The following HELLS variants were observed in gnomAD, a reference collection of about 807,000 sequenced individuals.
The protein encoded by HELLS is helicase, lymphoid specific.
Under a neutral mutation model 120.0 loss-of-function variants are expected in HELLS, and 32 were observed. That is an observed-to-expected ratio of 0.27 (90% CI 0.20 to 0.36). HELLS has a LOEUF of 0.36. Among genes scored for constraint, HELLS ranks in the 10% least tolerant of loss-of-function variants. HELLS has a pLI of 1.00. For missense variants in HELLS, 650 were observed against 993.4 expected (o/e 0.65, Z 4.65); for synonymous variants, 341 against 323.4 (o/e 1.05, Z -0.58).
intron 7 of HELLS, among the ~76,000 whole-genome samples, chr10:94,572,783 C>A (rs1382643771): frequency 1.3e-5 from 2 of 152,152 alleles, no homozygotes; most frequent in Non-Finnish European, 2.9e-5. Context: ...ATTTTATTCT[C>A]TCGCCAGCAA....
Position 94,554,155 on chromosome 10 carries a change from A to G in HELLS, c.183A>G (p.Thr61=). Residue 61 remains threonine (T), a synonymous_variant, in exon 3 of 22, where the codon ACA becomes ACG. Coordinates refer to ENST00000348459, the MANE Select transcript of HELLS (RefSeq NM_018063.5). ...GCATGTCTTGGGATAGAGAGTCGACAGAAATTCGGTACCGTAGACTTCAAC... is the reference window on the plus strand; with the variant it reads ...GCATGTCTTGGGATAGAGAGTCGACGGAAATTCGGTACCGTAGACTTCAAC... The part of the protein sequence containing the change: ...KARMSWDRES[T]EIRYRRLQHL... 6.3e-7 allele frequency: 1 copy of G among 1,582,526 alleles called. No individual in the cohort carries two copies. Among genetic ancestry groups the G allele is most frequent in the Non-Finnish European group, 8.5e-7 (1 of 1,170,596 alleles).
intron 2 of HELLS, among the ~76,000 whole-genome samples, chr10:94,553,697 C>T (rs1012601161): frequency 1.3e-5 from 2 of 151,602 alleles, no homozygotes; most frequent in Non-Finnish European, 2.9e-5. Context: ...TACAGGCATG[C>T]ACCACCACGC....
intron 7 of HELLS, among the ~76,000 whole-genome samples, chr10:94,572,998 C>T (rs191534346): frequency 6.0e-4 from 91 of 152,048 alleles, no homozygotes; most frequent in Middle Eastern, 3.4e-3. Flanking sequence ...GTCACTCTGT[C>T]GCCCAGGCTG....
chr10:94,558,308 A>C (rs1843365799), intron 4 of HELLS, 113 bp downstream of exon 4: 1 of 1,287,402 alleles, frequency 7.8e-7, no homozygotes, highest in African/African-American at 1.5e-5. Context: ...TTAGTGATAA[A>C]CCTAACTTTG....
Position 94,574,433 on chromosome 10 carries a change from A to G in HELLS, c.706-121A>G, listed in dbSNP as rs1286732176. 58 of 803,348 alleles carry G rather than the reference A, an allele frequency of 7.2e-5. 1 individual carries two copies. In the South Asian group the frequency reaches 9.9e-4, roughly 14 times the overall value. The allele number at this position is 803,348 out of a possible 1,614,324, so 49.8% of individuals were successfully genotyped here. A position where few individuals can be genotyped will look rare whatever the true frequency, so the allele number is the denominator to read the frequency against. On this transcript the variant is annotated intron_variant, in intron 8 of 21. Transcript: ENST00000348459. ...TGTTGTTATAATTTATGGTGTGAAT[A>G]TATCAGCTTTAACATAATTCTCATC...
At chr10:94,546,676 C>T (rs1357197405) in intron 2 of HELLS, among the ~76,000 whole-genome samples, 178 bp downstream of exon 2, 1 of 152,148 alleles carries the variant, frequency 6.6e-6, no homozygotes, top group Non-Finnish European at 1.5e-5. Context: ...AGAATCCTTT[C>T]GCAAGTGCTT....
chr10:94,589,354 T>C (rs563198631), intron 13 of HELLS, among the ~76,000 whole-genome samples: 1 of 152,310 alleles, frequency 6.6e-6, no homozygotes, highest in East Asian at 1.9e-4. Context: ...TTTGAAACTT[T>C]GAGTGCTGAT....
At chr10:94,597,154 A>G (rs200713450) in intron 21 of HELLS, 43 bp downstream of exon 21, 1 of 1,102,240 alleles carries the variant, frequency 9.1e-7, no homozygotes, top group African/African-American at 1.5e-5. Flanking sequence ...CGAAACATAC[A>G]CTTAATTAGC....
chr10:94,585,820 G>C (rs1845115535), intron 12 of HELLS, among the ~76,000 whole-genome samples: 1 of 151,876 alleles, frequency 6.6e-6, no homozygotes, highest in African/African-American at 2.4e-5. Flanking sequence ...TGATCCTCCT[G>C]CCTCAGCCTT....
rs374420050 is a variant in HELLS at position 94,574,536 on chromosome 10, A to G, written c.706-18A>G. The G allele has an allele frequency of 3.8e-5, 59 of 1,571,946 alleles. No individual in the cohort carries two copies. The highest frequency in any genetic ancestry group is 1.7e-4 in the Middle Eastern group (1 of 6,012). The stretch of plus-strand genomic sequence containing the variant: ...GTTTATATCCAAGTTTAAATACAGT[A>G]TCTATTATTTTGTCCAGATGCTTTG... On this transcript the variant is annotated intron_variant, in intron 8 of 21. Coordinates refer to ENST00000348459, the MANE Select transcript of HELLS (RefSeq NM_018063.5).
intron 19 of HELLS, among the ~76,000 whole-genome samples, chr10:94,595,337 G>A (rs886449112): frequency 2.6e-5 from 4 of 152,132 alleles, no homozygotes; most frequent in African/African-American, 9.7e-5. Context: ...GAATGTTAGC[G>A]AGTATGTAGA....
At position 94,574,636 on chromosome 10, in the gene HELLS, C is replaced by G. The variant is rs761729522; in HGVS notation, c.788C>G (p.Ala263Gly). The G allele has an allele frequency of 1.9e-6, 3 of 1,613,066 alleles. No individual in the cohort carries two copies. Among genetic ancestry groups the G allele is most frequent in the Admixed American group, 3.3e-5 (2 of 60,016 alleles). Residue 263 changes from alanine to glycine, a missense_variant, in exon 9 of 22, where the codon GCA becomes GGA. Physicochemically the swap from Ala to Gly is moderately conservative, Grantham distance 60. This residue lies in a region of HELLS where 26 missense variants were observed against 87.3 expected (regional missense o/e 0.30). Coordinates refer to ENST00000348459, the MANE Select transcript of HELLS (RefSeq NM_018063.5). ...GKTVQCIATI[A>G]LMIQRGVPGP... ...ACAGTTCAGTGCATTGCTACTATTGCATTGATGATTCAGAGAGGAGTACCA... is the reference window on the plus strand; with the variant it reads ...ACAGTTCAGTGCATTGCTACTATTGGATTGATGATTCAGAGAGGAGTACCA...
chr10:94,575,098 ATT>A (rs570447113), intron 9 of HELLS, among the ~76,000 whole-genome samples: 40 of 121,776 alleles, frequency 3.3e-4, no homozygotes, highest in Middle Eastern at 4.7e-3. Flanking sequence ...ACCTTCTGCA[ATT>A]TTTTTTTTTT....
chr10:94,565,594 G>A (rs562646022), intron 6 of HELLS, among the ~76,000 whole-genome samples: 1 of 151,892 alleles, frequency 6.6e-6, no homozygotes, highest in African/African-American at 2.4e-5. Flanking sequence ...GCAGGCTGAG[G>A]CAGGAGAATT....
Position 94,588,311 on chromosome 10 carries a change from C to T in HELLS, c.1409C>T (p.Ala470Val). The T allele has an allele frequency of 1.2e-6, 2 of 1,611,026 alleles. No homozygotes were observed. The highest frequency in any genetic ancestry group is 1.7e-6 in the Non-Finnish European group (2 of 1,177,530). ...VPPKREVVVY[A>V]PLSKKQEIFY... ...CCTAAACGAGAAGTAGTCGTTTATGCTCCACTTTCAAAGAAGCAGGAGATC... is the reference window on the plus strand; with the variant it reads ...CCTAAACGAGAAGTAGTCGTTTATGTTCCACTTTCAAAGAAGCAGGAGATC... Residue 470 changes from alanine to valine, a missense_variant, in exon 13 of 22, where the codon GCT becomes GTT. Ala to Val is a moderately conservative substitution (Grantham distance 64, BLOSUM62 0). Around this residue, in one of 9 missense-constraint regions of HELLS, gnomAD observed 191 missense variants for 259.7 expected, o/e 0.74. Transcript: ENST00000348459.
At chr10:94,575,697 A>G (rs758407055) in intron 9 of HELLS, among the ~76,000 whole-genome samples, 2 of 147,552 alleles carry the variant, frequency 1.4e-5, no homozygotes, top group African/African-American at 2.5e-5. Context: ...GTGGGATTAC[A>G]GGTGTGAGCC....
At chr10:94,583,886 A>T in intron 12 of HELLS, 1 of 408,932 alleles carries the variant, frequency 2.4e-6, no homozygotes, top group East Asian at 3.5e-5. Context: ...ATAATTAATA[A>T]TATCTATCTC....
At chr10:94,583,361 CT>C (rs1229896158) in intron 12 of HELLS, among the ~76,000 whole-genome samples, 1 of 152,074 alleles carries the variant, frequency 6.6e-6, no homozygotes, top group Non-Finnish European at 1.5e-5. Flanking sequence ...GCCAATAATA[CT>C]TTTATAATTT....
intron 8 of HELLS, 91 bp downstream of exon 8, chr10:94,574,278 C>A: frequency 1.2e-6 from 1 of 845,274 alleles, no homozygotes; most frequent in South Asian, 1.6e-5. Flanking sequence ...TCATTTCTAT[C>A]ATGTTTCACT....
Sources: gnomAD v4.1 joint callset for allele counts (sites outside exome capture counted in the v4.1 genomes callset) on GRCh38, gnomAD v4.1.1 for gene constraint, gnomAD v4.1.1 regional missense constraint, MANE v1.5 for transcripts, NCBI Gene and HGNC (gene_info 2026-07-23, HGNC 2026-07-21) for gene names.